CTNNA3: variants seen among roughly 807,000 people sequenced by gnomAD.
CTNNA3 encodes catenin alpha-3.
In CTNNA3, 76 loss-of-function variants were observed where a neutral mutation model predicts 95.7. The ratio of observed to expected loss-of-function variants is 0.79; its 90% CI spans 0.66 to 0.96. CTNNA3 has a LOEUF of 0.96. Among genes scored for constraint, CTNNA3 ranks in the 40% least tolerant of loss-of-function variants. The pLI is 0.00. For missense variants in CTNNA3, 1,191 were observed against 1,089.8 expected, an observed-to-expected ratio of 1.09 and a Z score of -1.31; for synonymous variants, 431 against 374.4, an observed-to-expected ratio of 1.15 and a Z score of -1.74.
Position 66,089,111 on chromosome 10 carries a change from G to A in CTNNA3, c.1977+14046C>T, listed in dbSNP as rs573721593. Among the ~76,000 whole-genome samples the A allele has an allele frequency of 2.0e-5, 3 of 151,398 alleles. No homozygotes were observed. In the South Asian group the frequency reaches 6.3e-4, roughly 32 times the overall value. ...GTAAAGTTCGCGCCCCTTTTCTTTT[G>A]TTTTTGGTCTTTGGTATCACATTTG... is the stretch of plus-strand genomic sequence containing the variant. On this transcript the variant is annotated intron_variant, in intron 14 of 17. Transcript: ENST00000433211.
intron 3 of CTNNA3, among the ~76,000 whole-genome samples, chr10:67,559,371 G>A (rs1454021915): frequency 1.3e-5 from 2 of 152,194 alleles, no homozygotes; most frequent in Non-Finnish European, 2.9e-5. Context: ...CTGATACCCA[G>A]GCAAACAGGG....
At chr10:66,815,038 G>C (rs1705301043) in intron 7 of CTNNA3, among the ~76,000 whole-genome samples, 1 of 151,750 alleles carries the variant, frequency 6.6e-6, no homozygotes, top group African/African-American at 2.4e-5. Context: ...TTTTAGTAGA[G>C]ACGGGGTTTC....
At chr10:66,916,752 T>C (rs770539883) in intron 7 of CTNNA3, among the ~76,000 whole-genome samples, 25 of 152,058 alleles carry the variant, frequency 1.6e-4, no homozygotes, top group Non-Finnish European at 2.5e-4. Flanking sequence ...TGGGGGGAAA[T>C]TGAATTGCAG....
At chr10:67,711,848 C>T (rs1274577914) in intron 1 of CTNNA3, among the ~76,000 whole-genome samples, 7 of 149,314 alleles carry the variant, frequency 4.7e-5, no homozygotes, top group Non-Finnish European at 7.4e-5. Flanking sequence ...GTTTTTTGTT[C>T]TTGCGATAGT....
rs148456235 is a variant in CTNNA3, at chr10:66,194,495, G to A, written c.1884+85975C>T. 2.4e-4 allele frequency among the ~76,000 whole-genome samples: 36 copies of A among 152,088 alleles called. 1 individual carries two copies. The highest frequency in any genetic ancestry group is 7.4e-5 in the Non-Finnish European group (5 of 68,002). ...CTTGGGAGGCTGAGGCATGAGAATC[G>A]CTTGAACACTGGAGGTGGAGGTTGC... is the stretch of plus-strand genomic sequence containing the variant. On this transcript the variant is annotated intron_variant, in intron 13 of 17. Coordinates refer to ENST00000433211, the MANE Select transcript of CTNNA3 (RefSeq NM_013266.4).
chr10:66,658,876 T>C (rs1200625663), intron 9 of CTNNA3, among the ~76,000 whole-genome samples: 2 of 152,068 alleles, frequency 1.3e-5, no homozygotes, highest in African/African-American at 4.8e-5. Context: ...GTAATTTTAG[T>C]AGAGACAGGG....
intron 11 of CTNNA3, among the ~76,000 whole-genome samples, chr10:66,435,189 T>C (rs2093328241): frequency 6.6e-6 from 1 of 152,160 alleles, no homozygotes; most frequent in African/African-American, 2.4e-5. Context: ...ATAATTTCTT[T>C]TCTATTGTTT....
intron 9 of CTNNA3, among the ~76,000 whole-genome samples, chr10:66,647,511 C>CTTTTTT (rs59117038): frequency 6.8e-6 from 1 of 146,486 alleles, no homozygotes; most frequent in Non-Finnish European, 1.5e-5. Context: ...AAAAATTACT[C>CTTTTTT]TTTTTTTTTT....
intron 1 of CTNNA3, among the ~76,000 whole-genome samples, chr10:67,685,876 GTCTC>G (rs946749137): frequency 6.6e-6 from 1 of 151,204 alleles, no homozygotes; most frequent in Admixed American, 6.6e-5. Flanking sequence ...TCCTCTCTCT[GTCTC>G]TCTCTTTGAC....
Position 67,146,100 on chromosome 10 carries a change from C to CCA in CTNNA3, c.1047+34215_1047+34216dup, listed in dbSNP as rs1259167696. ...CCAACACCTCTACCCCAGCACCCCT[C>CCA]CACACACACACACTCATCAGATACT... On this transcript the variant is annotated intron_variant, in intron 7 of 17. Coordinates refer to ENST00000433211, the MANE Select transcript of CTNNA3 (RefSeq NM_013266.4). Among the ~76,000 whole-genome samples, 8 of 151,926 alleles carry CCA rather than the reference C, an allele frequency of 5.3e-5. No homozygotes were observed. The South Asian group carries it at 8.3e-4, about 16-fold the overall frequency.
chr10:66,165,068 T>C (rs573580331), intron 13 of CTNNA3, among the ~76,000 whole-genome samples: 1 of 152,320 alleles, frequency 6.6e-6, no homozygotes, highest in Non-Finnish European at 1.5e-5. Flanking sequence ...ATATACACCA[T>C]GGAGTACTAT....
chr10:67,604,380 G>T (rs1165702520), intron 3 of CTNNA3, among the ~76,000 whole-genome samples: 11 of 152,148 alleles, frequency 7.2e-5, no homozygotes, highest in African/African-American at 2.7e-4. Flanking sequence ...GCTTTGGGAG[G>T]TAGGTTTAAA....
At chr10:66,765,134 T>C (rs1839789351) in intron 9 of CTNNA3, among the ~76,000 whole-genome samples, 1 of 152,202 alleles carries the variant, frequency 6.6e-6, no homozygotes, top group Admixed American at 6.5e-5. Context: ...TCCTTTCATC[T>C]TCTAGTTCTG....
At chr10:66,122,346 T>G (rs1472913902) in intron 13 of CTNNA3, among the ~76,000 whole-genome samples, 9 of 151,758 alleles carry the variant, frequency 5.9e-5, no homozygotes, top group Non-Finnish European at 1.3e-4. Flanking sequence ...ATCCAAGGAG[T>G]GTGGAACAAT....
chr10:66,182,822 A>G (rs2086126019), intron 13 of CTNNA3, among the ~76,000 whole-genome samples: 2 of 152,182 alleles, frequency 1.3e-5, no homozygotes, highest in African/African-American at 4.8e-5. Context: ...GACTGAAACC[A>G]TGGTCTATAA....
At chr10:67,338,569 A>G (rs983934008) in intron 5 of CTNNA3, among the ~76,000 whole-genome samples, 6 of 151,562 alleles carry the variant, frequency 4.0e-5, no homozygotes, top group Admixed American at 4.0e-4. Flanking sequence ...AAAATAACAG[A>G]AAAAAAAATT....
intron 5 of CTNNA3, among the ~76,000 whole-genome samples, chr10:67,499,061 G>T (rs1234008885): frequency 6.6e-6 from 1 of 152,152 alleles, no homozygotes; most frequent in Non-Finnish European, 1.5e-5. Flanking sequence ...GTGTGATGTT[G>T]GCTGTGGGTT....
intron 13 of CTNNA3, among the ~76,000 whole-genome samples, chr10:66,220,554 T>G (rs1239531171): frequency 6.6e-6 from 1 of 152,170 alleles, no homozygotes; most frequent in East Asian, 1.9e-4. Context: ...CTTAAGTATT[T>G]AACAGCTCAT....
chr10:66,827,676 G>T (rs3935965), intron 7 of CTNNA3, among the ~76,000 whole-genome samples: 33,656 of 152,126 alleles, frequency 0.22, 4,623 homozygotes, highest in Non-Finnish European at 0.31. Flanking sequence ...TAAAAATGAT[G>T]CAGGTAAAAT....
Sources: allele counts gnomAD v4.1 joint callset (sites outside exome capture counted in the v4.1 genomes callset), GRCh38; gene constraint gnomAD v4.1.1; transcripts MANE v1.5; gene names NCBI Gene and HGNC (gene_info 2026-07-23, HGNC 2026-07-21).